The following FBXL17 variants were observed in gnomAD, a reference collection of about 807,000 sequenced individuals.
The protein encoded by FBXL17 is F-box and leucine rich repeat protein 17.
Under a neutral mutation model 66.2 loss-of-function variants are expected in FBXL17, and 22 were observed. The ratio of observed to expected loss-of-function variants is 0.33; its 90% CI spans 0.24 to 0.47. The LOEUF (loss-of-function observed/expected upper bound fraction) is 0.47, where lower values mean the gene tolerates loss of function less well. Ranked by LOEUF, FBXL17 falls within the 20% of genes least tolerant of loss-of-function variation. The probability of loss-of-function intolerance (pLI) is 1.00; values close to 1 mark genes in which losing one functional copy is unlikely to be tolerated. For synonymous variants in FBXL17, 474 were observed against 400.5 expected, an observed-to-expected ratio of 1.18 and a Z score of -2.19; for missense variants, 878 against 948.2, an observed-to-expected ratio of 0.93 and a Z score of 0.97.
chr5:108,006,447 T>C (rs1753924136), intron 7 of FBXL17, among the ~76,000 whole-genome samples: 2 of 152,152 alleles, frequency 1.3e-5, no homozygotes, highest in Admixed American at 1.3e-4. Context: ...AGATCAAAGT[T>C]TTGGCCAAGT....
chr5:108,134,500 A>G (rs1470896177), intron 6 of FBXL17, among the ~76,000 whole-genome samples: 1 of 152,096 alleles, frequency 6.6e-6, no homozygotes, highest in Non-Finnish European at 1.5e-5. Flanking sequence ...AAATCCAACA[A>G]ATTTTTCCCC....
At chr5:107,878,326 C>T (rs1488988989) in intron 8 of FBXL17, 1 of 927,162 alleles carries the variant, frequency 1.1e-6, no homozygotes, top group African/African-American at 1.8e-5. Context: ...TATCACAACA[C>T]AGGTTAATAT....
chr5:108,207,114 G>A (rs1754154348), intron 5 of FBXL17, among the ~76,000 whole-genome samples: 1 of 152,178 alleles, frequency 6.6e-6, no homozygotes, highest in East Asian at 1.9e-4. Context: ...ACAATATGCT[G>A]TAATAAAAGT....
At chr5:108,292,904 C>T (rs1758173985) in intron 4 of FBXL17, among the ~76,000 whole-genome samples, 1 of 151,986 alleles carries the variant, frequency 6.6e-6, no homozygotes, top group African/African-American at 2.4e-5. Flanking sequence ...TCCTAGCTAA[C>T]ATGGTGAAAC....
At chr5:107,901,105 A>G (rs1206501959) in intron 7 of FBXL17, among the ~76,000 whole-genome samples, 1 of 152,210 alleles carries the variant, frequency 6.6e-6, no homozygotes, top group East Asian at 1.9e-4. Flanking sequence ...TAAGAGTTAC[A>G]TAATATTTGT....
At chr5:108,219,090 T>C (rs1754735971) in intron 5 of FBXL17, among the ~76,000 whole-genome samples, 2 of 152,222 alleles carry the variant, frequency 1.3e-5, no homozygotes, top group South Asian at 2.1e-4. Flanking sequence ...TCATGAAAGA[T>C]AGTGATGTTC....
chr5:108,234,159 T>A (rs939587156), intron 4 of FBXL17, among the ~76,000 whole-genome samples: 6 of 152,248 alleles, frequency 3.9e-5, no homozygotes, highest in Non-Finnish European at 7.4e-5. Flanking sequence ...AGTTACTGTT[T>A]CTAAACATGA....
At chr5:108,185,982 T>C (rs1271756564) in intron 6 of FBXL17, 135 bp downstream of exon 6, 10 of 701,518 alleles carry the variant, frequency 1.4e-5, no homozygotes, top group Non-Finnish European at 2.0e-5. Flanking sequence ...TAGATGGTTT[T>C]CAAAACTTAA....
At chr5:107,969,152 C>T (rs1033415652) in intron 7 of FBXL17, among the ~76,000 whole-genome samples, 5 of 152,040 alleles carry the variant, frequency 3.3e-5, no homozygotes, top group Non-Finnish European at 5.9e-5. Flanking sequence ...CTAGGTGGCC[C>T]GGAAAACTTA....
At chr5:108,177,740 G>A (rs1393121394) in intron 6 of FBXL17, among the ~76,000 whole-genome samples, 2 of 151,908 alleles carry the variant, frequency 1.3e-5, no homozygotes, top group South Asian at 2.1e-4. Flanking sequence ...ACTATTCAAC[G>A]TGTCTGGGCC....
Position 108,212,878 on chromosome 5 carries a change from G to T in FBXL17, c.1614+11243C>A, listed in dbSNP as rs192887440. ...TACGCTGCTCTTTTCAGAGCTGTCAGGCAGGAACATTTAAGTCTGCTGAAT... is the reference window on the plus strand; with the variant it reads ...TACGCTGCTCTTTTCAGAGCTGTCATGCAGGAACATTTAAGTCTGCTGAAT... On this transcript the variant is annotated intron_variant, in intron 5 of 8. Transcript: ENST00000542267. 2.0e-5 allele frequency among the ~76,000 whole-genome samples: 3 copies of T among 152,344 alleles called. No individual in the cohort carries two copies. The East Asian group carries it at 5.8e-4, about 29-fold the overall frequency.
intron 7 of FBXL17, among the ~76,000 whole-genome samples, chr5:107,940,221 A>T: frequency 6.6e-6 from 1 of 151,300 alleles, no homozygotes; most frequent in East Asian, 2.0e-4. Context: ...GCTACATATA[A>T]TGCATTTTTA....
At position 107,860,059 on chromosome 5, in the gene FBXL17, A is replaced by G. The variant is rs921453299; in HGVS notation, c.*1661T>C. The G allele has an allele frequency of 2.0e-5, 3 of 152,168 alleles. No homozygotes were observed. 9.4% of individuals were successfully genotyped at this position (152,168 alleles called of 1,614,324 possible). On this transcript the variant is annotated 3_prime_UTR_variant, in exon 9 of 9. Transcript: ENST00000542267. ...GGCGCTTACTGACTAGATTTTCCTA[A>G]CCGATTGGGATTAAAACAAAAATGC...
At chr5:108,197,083 A>G (rs1302761074) in intron 5 of FBXL17, among the ~76,000 whole-genome samples, 1 of 151,504 alleles carries the variant, frequency 6.6e-6, no homozygotes, top group Non-Finnish European at 1.5e-5. Context: ...TCTCTAATTG[A>G]GTTTTTTTCC....
chr5:108,082,645 T>C (rs532345906), intron 6 of FBXL17, among the ~76,000 whole-genome samples: 1 of 152,244 alleles, frequency 6.6e-6, no homozygotes, highest in Non-Finnish European at 1.5e-5. Flanking sequence ...TGGTAGAACA[T>C]GAACCCCAAT....
intron 6 of FBXL17, among the ~76,000 whole-genome samples, chr5:108,167,783 ATAT>A (rs1752465096): frequency 6.6e-6 from 1 of 152,220 alleles, no homozygotes; most frequent in Non-Finnish European, 1.5e-5. Flanking sequence ...AAGAAGATCC[ATAT>A]TAAAGGGGAA....
intron 7 of FBXL17, among the ~76,000 whole-genome samples, chr5:107,907,478 G>A (rs1372600366): frequency 6.6e-6 from 1 of 151,966 alleles, no homozygotes; most frequent in Non-Finnish European, 1.5e-5. Context: ...ACGAGGCAAA[G>A]CAAACAAACA....
intron 6 of FBXL17, among the ~76,000 whole-genome samples, chr5:108,164,235 G>A (rs1364560427): frequency 6.6e-6 from 1 of 152,118 alleles, no homozygotes; most frequent in Non-Finnish European, 1.5e-5. Context: ...AGCCATACAC[G>A]AACCAGGACT....
intron 7 of FBXL17, among the ~76,000 whole-genome samples, chr5:108,000,228 C>G (rs762374062): frequency 5.3e-5 from 8 of 152,070 alleles, no homozygotes; most frequent in Non-Finnish European, 1.2e-4. Context: ...ACAACATCAC[C>G]CTGGCAACCC....
Sources: gnomAD v4.1 joint callset for allele counts (sites outside exome capture counted in the v4.1 genomes callset) on GRCh38, gnomAD v4.1.1 for gene constraint, MANE v1.5 for transcripts, NCBI Gene and HGNC (gene_info 2026-07-23, HGNC 2026-07-21) for gene names.